SBK1: variants seen among roughly 807,000 people sequenced by gnomAD.
SBK1 encodes SH3 domain binding kinase 1, also known as serine/threonine-protein kinase SBK1.
A neutral mutation model predicts 24.4 loss-of-function variants in SBK1; 11 were observed. That is an observed-to-expected ratio of 0.45 (90% CI 0.28 to 0.75). The LOEUF (loss-of-function observed/expected upper bound fraction) is 0.75. Ranked by LOEUF, SBK1 falls within the 30% of genes least tolerant of loss-of-function variation. The probability of loss-of-function intolerance (pLI) is 0.12; values close to 1 mark genes in which losing one functional copy is unlikely to be tolerated. For synonymous variants in SBK1, 308 were observed against 284.4 expected (o/e 1.08, Z -0.83); for missense variants, 467 against 620.5 (o/e 0.75, Z 2.63).
upstream of SBK1, among the ~76,000 whole-genome samples, chr16:28,288,164 A>C (rs2044577963): frequency 6.6e-6 from 1 of 152,150 alleles, no homozygotes; most frequent in South Asian, 2.1e-4. Flanking sequence ...CAGTGCAGTG[A>C]GAAAGTTTTT....
intron 1 of SBK1, among the ~76,000 whole-genome samples, chr16:28,303,507 C>CTTTTCTT (rs2044693971): frequency 1.7e-5 from 1 of 58,114 alleles, no homozygotes; most frequent in African/African-American, 7.2e-5. Context: ...CTTTTCTTTT[C>CTTTTCTT]TTTTTTTTTT....
intron 1 of SBK1, among the ~76,000 whole-genome samples, chr16:28,296,694 C>T (rs2044643324): frequency 6.6e-6 from 1 of 152,136 alleles, no homozygotes; most frequent in Non-Finnish European, 1.5e-5. Context: ...CAGCCTGGTT[C>T]CACTTTCCAC....
intron 1 of SBK1, among the ~76,000 whole-genome samples, chr16:28,310,103 C>A (rs2044744178): frequency 1.3e-5 from 2 of 152,204 alleles, no homozygotes; most frequent in African/African-American, 4.8e-5. Flanking sequence ...GTGACTACTG[C>A]CATGAAGTCG....
intron 1 of SBK1, among the ~76,000 whole-genome samples, chr16:28,279,866 G>A (rs1481409661): frequency 3.3e-5 from 5 of 152,012 alleles, no homozygotes; most frequent in Non-Finnish European, 7.4e-5. Context: ...GGGTGAGGAC[G>A]TCTTTGTAAA....
At chr16:28,261,076 G>C (rs1043982463) in intron 1 of SBK1, among the ~76,000 whole-genome samples, 1 of 151,984 alleles carries the variant, frequency 6.6e-6, no homozygotes, top group Non-Finnish European at 1.5e-5. Flanking sequence ...ACGCTGAGCC[G>C]GGGACCTGAC....
In SBK1 at chr16:28,317,281, C is replaced by T. The variant is rs1393325696; in HGVS notation, c.-7-104C>T. The T allele has an allele frequency of 8.6e-6, 7 of 809,552 alleles. No individual in the cohort carries two copies. The highest frequency in any genetic ancestry group is 4.8e-5 in the Admixed American group (2 of 41,790). 50.1% of individuals were successfully genotyped at this position (809,552 alleles called of 1,614,324 possible). ...TTGTGGTTATCTTGGGCCTGGCATCCGGGCCCATCCTCAAGTTTTCTGGGT... is the reference window on the plus strand; with the variant it reads ...TTGTGGTTATCTTGGGCCTGGCATCTGGGCCCATCCTCAAGTTTTCTGGGT... On this transcript the variant is annotated intron_variant, in intron 1 of 3. Transcript: ENST00000341901. The surrounding 1 kb of genome is among the most constrained non-coding windows in gnomAD (Gnocchi z 4.2).
chr16:28,320,838 G>A lies in SBK1; in HGVS notation c.1192G>A (p.Gly398Arg), dbSNP rs1350135335. The change falls in exon 4 of 4, where the codon GGG (glycine) becomes AGG (arginine). Residue 398 changes from glycine to arginine, a missense_variant. Physicochemically the swap from Gly to Arg is moderately radical, Grantham distance 125 (BLOSUM62 -2). Transcript: ENST00000341901. This position sits in a 1 kb window ranked among gnomAD's most constrained non-coding sequence, Gnocchi z 8.5. The stretch of plus-strand genomic sequence containing the variant: ...GCCCGAGCCCGGCCTAGCTCCCCAG[G>A]GGCCCCCCGGCCGGACCGACGGCCG... ...PVPEPGLAPQ[G>R]PPGRTDGRAD... 4 of 1,467,398 alleles carry A rather than the reference G, an allele frequency of 2.7e-6. No individual in the cohort carries two copies. Among genetic ancestry groups the A allele is most frequent in the East Asian group, 3.1e-5 (1 of 32,296 alleles). 90.9% of individuals were successfully genotyped at this position (1,467,398 alleles called of 1,614,324 possible). A position where few individuals can be genotyped will look rare whatever the true frequency, so the allele number is the denominator to read the frequency against.
In SBK1 at chr16:28,293,156, C is replaced by A; in HGVS notation, c.-152C>A. ...CCTCGGGGATCCCCCCCCTAAAGCT[C>A]CAGGACTTGGGCGACTGAGCCCCTG... On this transcript the variant is annotated 5_prime_UTR_variant, in exon 1 of 4. Transcript: ENST00000341901. 1 of 985,630 alleles carries A rather than the reference C, an allele frequency of 1.0e-6. No homozygotes were observed. The highest frequency in any genetic ancestry group is 1.2e-6 in the Non-Finnish European group (1 of 830,078). 61.1% of individuals were successfully genotyped at this position (985,630 alleles called of 1,614,324 possible).
intron 1 of SBK1, among the ~76,000 whole-genome samples, chr16:28,310,679 AT>A (rs755392719): frequency 6.6e-6 from 1 of 151,256 alleles, no homozygotes; most frequent in African/African-American, 2.4e-5. Flanking sequence ...CCCTGTCTCT[AT>A]TTTTTTTTAA....
At chr16:28,282,384 G>A (rs548391787) in intron 1 of SBK1, among the ~76,000 whole-genome samples, 1 of 152,252 alleles carries the variant, frequency 6.6e-6, no homozygotes, top group East Asian at 1.9e-4. Flanking sequence ...AGCACCAGCT[G>A]GCTCTCAGCT....
chr16:28,297,672 G>A (rs1020136580), intron 1 of SBK1, among the ~76,000 whole-genome samples: 1 of 152,220 alleles, frequency 6.6e-6, no homozygotes, highest in Non-Finnish European at 1.5e-5. Flanking sequence ...GATTAAGCAG[G>A]CTAAAGAATG....
chr16:28,280,115 C>CTATATATATATATATA (rs1193408430), intron 1 of SBK1, among the ~76,000 whole-genome samples: 23 of 29,456 alleles, frequency 7.8e-4, no homozygotes, highest in African/African-American at 1.8e-3. Flanking sequence ...TTGAAAAAAA[C>CTATATATATATATATA]TATATATATA....
intron 1 of SBK1, among the ~76,000 whole-genome samples, chr16:28,277,873 G>A (rs555539974): frequency 3.3e-5 from 5 of 152,346 alleles, no homozygotes; most frequent in African/African-American, 9.6e-5. Context: ...GCCACTAGAG[G>A]GCGTGTTGTG....
chr16:28,321,959 C>G lies in SBK1; in HGVS notation c.*1038C>G, dbSNP rs2044852638. ...GAGCTGGTTCGTGCTGGAAATTTCTCCTGGGTTTCTTGGGGTCAAACATGC... is the reference window on the plus strand; with the variant it reads ...GAGCTGGTTCGTGCTGGAAATTTCTGCTGGGTTTCTTGGGGTCAAACATGC... On this transcript the variant is annotated 3_prime_UTR_variant, in exon 4 of 4. Transcript: ENST00000341901. 6.6e-6 allele frequency: 1 copy of G among 152,362 alleles called. No individual in the cohort carries two copies. Among genetic ancestry groups the G allele is most frequent in the Non-Finnish European group, 1.5e-5 (1 of 68,128 alleles). 9.4% of individuals were successfully genotyped at this position (152,362 alleles called of 1,614,324 possible). A position where few individuals can be genotyped will look rare whatever the true frequency, so the allele number is the denominator to read the frequency against.
In SBK1 at chr16:28,310,342, G is replaced by A. The variant is rs139572057; in HGVS notation, c.-7-7043G>A. Among the ~76,000 whole-genome samples the A allele has an allele frequency of 7.2e-4, 109 of 152,364 alleles. 1 individual carries two copies. Among genetic ancestry groups the A allele is most frequent in the Middle Eastern group, 6.8e-3 (2 of 294 alleles). On this transcript the variant is annotated intron_variant, in intron 1 of 3. Transcript: ENST00000341901. ...ACATCCACAGCTGCTCCTGCAAGTG[G>A]AGGCAGGGACGACCAATGACGAAAT... is the stretch of plus-strand genomic sequence containing the variant.
chr16:28,276,120 T>G (rs924392581), intron 1 of SBK1, among the ~76,000 whole-genome samples: 1 of 152,096 alleles, frequency 6.6e-6, no homozygotes, highest in African/African-American at 2.4e-5. Flanking sequence ...GAAATGTATC[T>G]CATCCATCTG....
chr16:28,299,606 C>G (rs1383033525), intron 1 of SBK1, among the ~76,000 whole-genome samples: 1 of 152,162 alleles, frequency 6.6e-6, no homozygotes, highest in African/African-American at 2.4e-5. Context: ...CCCAGGCCTC[C>G]CCGAGAAACC....
chr16:28,263,717 A>C (rs2044411101), intron 1 of SBK1, among the ~76,000 whole-genome samples: 1 of 152,208 alleles, frequency 6.6e-6, no homozygotes, highest in African/African-American at 2.4e-5. Context: ...AGGATATTTC[A>C]GGCTATGCTT....
upstream of SBK1, chr16:28,292,411 C>T: frequency 2.0e-6 from 1 of 499,132 alleles, no homozygotes; most frequent in Non-Finnish European, 2.6e-6. Context: ...AGCGCGCTTG[C>T]GCGAGGGCGC....
Sources: allele counts gnomAD v4.1 joint callset (sites outside exome capture counted in the v4.1 genomes callset), GRCh38; gene constraint gnomAD v4.1.1; non-coding constraint Gnocchi (gnomAD v3.1); transcripts MANE v1.5; gene names NCBI Gene and HGNC (gene_info 2026-07-23, HGNC 2026-07-21).